NEDD4: variants seen among roughly 807,000 people sequenced by gnomAD.
NEDD4 encodes the protein E3 ubiquitin-protein ligase NEDD4.
NEDD4 carries 99 observed loss-of-function variants against 144.9 expected under a neutral mutation model. The observed-to-expected ratio is 0.68, with a 90% CI of 0.58 to 0.81. The LOEUF (loss-of-function observed/expected upper bound fraction) is 0.81. NEDD4 is among the 30% of genes least tolerant of loss of function. The pLI, the probability that NEDD4 is intolerant of heterozygous loss-of-function variation, is 0.00. For synonymous variants in NEDD4, 318 were observed against 350.6 expected (o/e 0.91, Z 1.04); for missense variants, 985 against 1,065.9 (o/e 0.92, Z 1.06).
rs143454804 is a variant in NEDD4, at chr15:55,831,209, C to T, written c.2528-623G>A. ...TGTTGAGATTACAGGCATGAGCTAC[C>T]GCACCCAGCCGCCTTAACATACTTT... On this transcript the variant is annotated intron_variant, in intron 27 of 28. Coordinates refer to ENST00000435532, the MANE Select transcript of NEDD4 (RefSeq NM_006154.4). 4.2e-3 allele frequency among the ~76,000 whole-genome samples: 645 copies of T among 152,244 alleles called. 5 individuals are homozygous for T. Among genetic ancestry groups the T allele is most frequent in the African/African-American group, 0.015 (615 of 41,544 alleles).
chr15:55,853,873 C>A (rs1296416366), intron 12 of NEDD4, among the ~76,000 whole-genome samples: 2 of 152,128 alleles, frequency 1.3e-5, no homozygotes, highest in Non-Finnish European at 2.9e-5. Flanking sequence ...CACCTGTAAT[C>A]CCAGCTACTC....
intron 1 of NEDD4, among the ~76,000 whole-genome samples, chr15:55,992,768 G>C (rs7182037): frequency 0.077 from 11,699 of 152,290 alleles, 561 homozygotes; most frequent in Non-Finnish European, 0.11. Context: ...TAGCTGAAAA[G>C]AAACAGCTTT....
chr15:55,860,610 T>C (rs760331066), intron 10 of NEDD4, 36 bp from the exon 11 acceptor site: 2 of 1,613,806 alleles, frequency 1.2e-6, no homozygotes, highest in East Asian at 2.2e-5. Flanking sequence ...CCACACATAC[T>C]TTATTGCTAT....
chr15:55,916,291 A>G lies in NEDD4; in HGVS notation c.291+8355T>C, dbSNP rs566693662. On this transcript the variant is annotated intron_variant, in intron 5 of 28. Transcript: ENST00000435532. ...CTGTCACTGATGACACTGTTAGTAT[A>G]TGAACCTCCACTTGTGATACTTGCA... The G allele has an allele frequency of 9.0e-5, 145 of 1,614,034 alleles. No individual in the cohort carries two copies. In the South Asian group the frequency reaches 1.5e-3, roughly 16 times the overall value.
intron 8 of NEDD4, among the ~76,000 whole-genome samples, chr15:55,868,135 T>A (rs1442279607): frequency 6.6e-6 from 1 of 152,040 alleles, no homozygotes; most frequent in Admixed American, 6.5e-5. Flanking sequence ...GCATTTAAAA[T>A]TTTCCCAGAA....
chr15:55,947,951 G>A (rs1404866391), intron 4 of NEDD4, among the ~76,000 whole-genome samples: 1 of 152,134 alleles, frequency 6.6e-6, no homozygotes, highest in Non-Finnish European at 1.5e-5. Context: ...GTTCTGGCCA[G>A]GGCAATCAGG....
intron 2 of NEDD4, among the ~76,000 whole-genome samples, chr15:55,954,043 C>T (rs946304858): frequency 2.6e-5 from 4 of 151,892 alleles, no homozygotes; most frequent in Non-Finnish European, 5.9e-5. Context: ...ATTCATGTTA[C>T]ACTTCAAAAC....
intron 2 of NEDD4, among the ~76,000 whole-genome samples, chr15:55,964,528 T>C (rs959615343): frequency 6.6e-6 from 1 of 152,164 alleles, no homozygotes; most frequent in African/African-American, 2.4e-5. Context: ...ATTGTGGCCA[T>C]ATTTTCTTTT....
intron 5 of NEDD4, chr15:55,916,944 TA>T (rs1309717947): frequency 2.0e-6 from 3 of 1,487,950 alleles, no homozygotes; most frequent in Non-Finnish European, 2.7e-6. Flanking sequence ...TTGTGGTGCC[TA>T]AAAGAGCTAT....
intron 5 of NEDD4, among the ~76,000 whole-genome samples, chr15:55,889,382 T>C (rs1313055324): frequency 1.3e-5 from 2 of 152,216 alleles, no homozygotes; most frequent in African/African-American, 4.8e-5. Flanking sequence ...AATGGAGTAC[T>C]ATCCAGCCAT....
At chr15:55,916,358 A>G in intron 5 of NEDD4, 2 of 1,614,050 alleles carry the variant, frequency 1.2e-6, no homozygotes, top group Non-Finnish European at 1.7e-6. Flanking sequence ...AAGACCCATT[A>G]TCACTGGTTG....
chr15:55,946,876 T>G (rs1403922083), intron 4 of NEDD4, among the ~76,000 whole-genome samples: 1 of 152,178 alleles, frequency 6.6e-6, no homozygotes, highest in African/African-American at 2.4e-5. Context: ...CTCAACTACA[T>G]AGAAACTGAA....
chr15:55,972,040 CAT>C (rs1474515989), intron 1 of NEDD4, among the ~76,000 whole-genome samples: 3 of 152,082 alleles, frequency 2.0e-5, no homozygotes, highest in Admixed American at 6.5e-5. Context: ...ACCCTTCAAA[CAT>C]AAAGGAGAAA....
At chr15:55,984,102 T>C (rs2037851476) in intron 1 of NEDD4, among the ~76,000 whole-genome samples, 2 of 152,194 alleles carry the variant, frequency 1.3e-5, no homozygotes, top group South Asian at 4.1e-4. Flanking sequence ...GTTAAGCAAA[T>C]ACAGAAATCA....
At chr15:55,931,734 G>T (rs754883599) in intron 4 of NEDD4, among the ~76,000 whole-genome samples, 7 of 152,138 alleles carry the variant, frequency 4.6e-5, no homozygotes, top group Non-Finnish European at 1.0e-4. Flanking sequence ...AAACAATACA[G>T]ATACATCTTT....
intron 8 of NEDD4, among the ~76,000 whole-genome samples, chr15:55,864,095 A>G (rs989192454): frequency 2.0e-5 from 3 of 152,220 alleles, no homozygotes; most frequent in Non-Finnish European, 2.9e-5. Context: ...AAAGTAAGGA[A>G]TTGATAGAAA....
chr15:55,971,098 CTT>C (rs1246490633), intron 1 of NEDD4, among the ~76,000 whole-genome samples: 3 of 152,144 alleles, frequency 2.0e-5, no homozygotes, highest in African/African-American at 7.2e-5. Context: ...TTAAAAACCT[CTT>C]TGATTCTTAT....
Position 55,966,394 on chromosome 15 carries a change from T to C in NEDD4, c.119+79A>G, listed in dbSNP as rs1419530614. The C allele has an allele frequency of 9.4e-6, 8 of 849,972 alleles. No individual in the cohort carries two copies. In the African/African-American group the frequency reaches 1.2e-4, roughly 13 times the overall value. The allele number at this position is 849,972 out of a possible 1,614,324, so 52.7% of individuals were successfully genotyped here. A position where few individuals can be genotyped will look rare whatever the true frequency, so the allele number is the denominator to read the frequency against. On this transcript the variant is annotated intron_variant, in intron 2 of 28. Transcript: ENST00000435532. Reference sequence around the variant, plus strand: ...AACAATTTACTAATACTATTTGATTTCTAATTTAACCAAAGTTTGGAAAAA... The same window carrying C: ...AACAATTTACTAATACTATTTGATTCCTAATTTAACCAAAGTTTGGAAAAA...
At chr15:55,928,968 G>T (rs2036728374) in intron 4 of NEDD4, among the ~76,000 whole-genome samples, 1 of 152,056 alleles carries the variant, frequency 6.6e-6, no homozygotes, top group African/African-American at 2.4e-5. Flanking sequence ...TTCTCTCTTG[G>T]GAGAGTCTAT....
Sources: gnomAD v4.1 joint callset for allele counts (sites outside exome capture counted in the v4.1 genomes callset) on GRCh38, gnomAD v4.1.1 for gene constraint, MANE v1.5 for transcripts, NCBI Gene and HGNC (gene_info 2026-07-23, HGNC 2026-07-21) for gene names.